RETREG1: variants seen among roughly 807,000 people sequenced by gnomAD.
RETREG1 encodes the protein reticulophagy regulator 1, also known as family with sequence similarity 134 member B.
A neutral mutation model predicts 54.8 loss-of-function variants in RETREG1; 44 were observed. That is an observed-to-expected ratio of 0.80 (90% confidence interval 0.63 to 1.03). The LOEUF is 1.03. Ranked by LOEUF, RETREG1 falls within the 50% of genes least tolerant of loss-of-function variation. The probability of loss-of-function intolerance (pLI) is 0.00; values close to 1 mark genes in which losing one functional copy is unlikely to be tolerated. For missense variants in RETREG1, 554 were observed against 605.1 expected (o/e 0.92, Z 0.89); for synonymous variants, 217 against 238.5 (o/e 0.91, Z 0.83).
At chr5:16,525,453 T>C (rs1740686133) in intron 3 of RETREG1, among the ~76,000 whole-genome samples, 1 of 151,984 alleles carries the variant, frequency 6.6e-6, no homozygotes, top group Admixed American at 6.6e-5. Context: ...CTACCAACAA[T>C]GGGAAACAAC....
At chr5:16,485,991 A>G (rs1739004418) in intron 3 of RETREG1, among the ~76,000 whole-genome samples, 1 of 152,200 alleles carries the variant, frequency 6.6e-6, no homozygotes, top group African/African-American at 2.4e-5. Context: ...CATAGTCATA[A>G]GAAAACACTC....
At chr5:16,555,340 C>T (rs1230337891) in intron 3 of RETREG1, among the ~76,000 whole-genome samples, 2 of 151,992 alleles carry the variant, frequency 1.3e-5, no homozygotes, top group African/African-American at 4.8e-5. Context: ...TTAGTAGAGA[C>T]GGGGTTTCAC....
intron 3 of RETREG1, among the ~76,000 whole-genome samples, chr5:16,560,096 T>A (rs1741815716): frequency 6.6e-6 from 1 of 152,228 alleles, no homozygotes; most frequent in Non-Finnish European, 1.5e-5. Flanking sequence ...AATTATCTAA[T>A]GTTGATTGTT....
chr5:16,532,010 G>C (rs1228609004), intron 3 of RETREG1, among the ~76,000 whole-genome samples: 1 of 152,138 alleles, frequency 6.6e-6, no homozygotes, highest in Admixed American at 6.5e-5. Context: ...AGAGAAAATG[G>C]AAATGGACCC....
chr5:16,603,087 A>G (rs533031006), intron 1 of RETREG1, among the ~76,000 whole-genome samples: 92 of 152,328 alleles, frequency 6.0e-4, no homozygotes, highest in East Asian at 5.8e-4. Flanking sequence ...AACAAACAAC[A>G]GTCGCTCCTA....
chr5:16,521,029 G>A (rs1008387440), intron 3 of RETREG1, among the ~76,000 whole-genome samples: 4 of 152,178 alleles, frequency 2.6e-5, no homozygotes, highest in East Asian at 1.9e-4. Context: ...CTTGTTCTGC[G>A]TTGAGTCCTG....
chr5:16,601,957 G>A (rs951589494), intron 1 of RETREG1, among the ~76,000 whole-genome samples: 3 of 152,170 alleles, frequency 2.0e-5, no homozygotes, highest in Non-Finnish European at 2.9e-5. Context: ...ACAAGGAGGC[G>A]ATGCTTCCAA....
chr5:16,504,587 T>G (rs1739865346), intron 3 of RETREG1, among the ~76,000 whole-genome samples: 1 of 152,148 alleles, frequency 6.6e-6, no homozygotes. Context: ...CTGACCTTTC[T>G]GCGCCCACAC....
chr5:16,530,990 A>T (rs1460093640), intron 3 of RETREG1, among the ~76,000 whole-genome samples: 1 of 152,210 alleles, frequency 6.6e-6, no homozygotes, highest in South Asian at 2.1e-4. Context: ...TGAATGAAAA[A>T]GGGGAGAATA....
intron 2 of RETREG1, among the ~76,000 whole-genome samples, chr5:16,568,313 C>T (rs1021893567): frequency 6.6e-5 from 10 of 151,184 alleles, no homozygotes; most frequent in African/African-American, 1.2e-4. Context: ...ACTCTGTCAC[C>T]GAGGCTGGAG....
chr5:16,504,154 G>A (rs928460350), intron 3 of RETREG1, among the ~76,000 whole-genome samples: 5 of 152,102 alleles, frequency 3.3e-5, no homozygotes, highest in South Asian at 2.1e-4. Flanking sequence ...AACATGCAGC[G>A]TTTGGTTTTC....
In RETREG1 at chr5:16,474,656, T is replaced by G; in HGVS notation, c.*85A>C. 1 of 1,512,466 alleles carries G rather than the reference T, an allele frequency of 6.6e-7. No homozygotes were observed. Among genetic ancestry groups the G allele is most frequent in the Non-Finnish European group, 8.9e-7 (1 of 1,123,504 alleles). 93.7% of individuals were successfully genotyped at this position (1,512,466 alleles called of 1,614,324 possible). A position where few individuals can be genotyped will look rare whatever the true frequency, so the allele number is the denominator to read the frequency against. ...GTAATCATTAAAGCTTACAGTTCAA[T>G]TTTTTTCTTTTCCTTTTTTTTTTTT... On this transcript the variant is annotated 3_prime_UTR_variant, in exon 9 of 9. Coordinates refer to ENST00000306320, the MANE Select transcript of RETREG1 (RefSeq NM_001034850.3).
rs1018563713 is a variant in RETREG1 at position 16,585,065 on chromosome 5, T to C, written c.321-12963A>G. The stretch of plus-strand genomic sequence containing the variant: ...GAGGAGAGGAAAAGAGGGTGGTAGG[T>C]AATAGACTCCTTTCTCTAAAGAGAT... On this transcript the variant is annotated intron_variant, in intron 1 of 8. Transcript: ENST00000306320. The surrounding 1 kb of genome is among the most constrained non-coding windows in gnomAD (Gnocchi z 4.5). Among the ~76,000 whole-genome samples, 5 of 151,972 alleles carry C rather than the reference T, an allele frequency of 3.3e-5. No individual in the cohort carries two copies. The highest frequency in any genetic ancestry group is 3.3e-4 in the Admixed American group (5 of 15,268).
intron 3 of RETREG1, chr5:16,509,578 T>G (rs911731501): frequency 6.6e-6 from 1 of 152,318 alleles, no homozygotes; most frequent in East Asian, 1.9e-4. Context: ...GAAATATTAC[T>G]GAGATTTCTT....
chr5:16,541,222 AACTG>A (rs1354989314), intron 3 of RETREG1, among the ~76,000 whole-genome samples: 5 of 152,190 alleles, frequency 3.3e-5, no homozygotes, highest in Non-Finnish European at 7.3e-5. Flanking sequence ...CAGAACTCAC[AACTG>A]ACTGTCAGTG....
At chr5:16,523,529 G>A (rs1017517630) in intron 3 of RETREG1, among the ~76,000 whole-genome samples, 8 of 151,996 alleles carry the variant, frequency 5.3e-5, no homozygotes, top group African/African-American at 1.9e-4. Flanking sequence ...CGGGGCTCAC[G>A]ATGTCCAAAT....
intron 3 of RETREG1, among the ~76,000 whole-genome samples, chr5:16,553,150 C>T (rs11955401): frequency 1.3e-5 from 2 of 151,876 alleles, no homozygotes; most frequent in Non-Finnish European, 2.9e-5. Flanking sequence ...ACTGCCATAT[C>T]GTAAACTCAG....
chr5:16,477,977 T>C, intron 7 of RETREG1, 57 bp downstream of exon 7: 1 of 1,396,806 alleles, frequency 7.2e-7, no homozygotes, highest in Non-Finnish European at 1.0e-6. Flanking sequence ...TTTGTATGCA[T>C]ACATGCATTT....
intron 3 of RETREG1, among the ~76,000 whole-genome samples, chr5:16,538,547 G>A (rs1170365038): frequency 6.6e-6 from 1 of 152,110 alleles, no homozygotes; most frequent in Admixed American, 6.6e-5. Context: ...TTAAAGATGA[G>A]CGCAGGAAGG....
Sources: allele counts gnomAD v4.1 joint callset (sites outside exome capture counted in the v4.1 genomes callset), GRCh38; gene constraint gnomAD v4.1.1; non-coding constraint Gnocchi (gnomAD v3.1); transcripts MANE v1.5; gene names NCBI Gene and HGNC (gene_info 2026-07-23, HGNC 2026-07-21).